The following RIIAD1 variants were observed in gnomAD, a reference collection of about 807,000 sequenced individuals.
The protein encoded by RIIAD1 is regulatory subunit of type II PKA R-subunit domain containing 1.
RIIAD1 carries 15 observed loss-of-function variants against 13.3 expected under a neutral mutation model. The ratio of observed to expected loss-of-function variants is 1.13; its 90% CI spans 0.76 to 1.74. RIIAD1 has a LOEUF of 1.74. Ranked by LOEUF, RIIAD1 falls within the 40% of genes most tolerant of loss-of-function variation. The pLI is 0.00. For synonymous variants in RIIAD1, 50 were observed against 43.3 expected (o/e 1.16, Z -0.61); for missense variants, 121 against 112.2 (o/e 1.08, Z -0.35).
chr1:151,716,390 A>C, intron 4 of RIIAD1: 1 of 270,820 alleles, frequency 3.7e-6, no homozygotes, highest in Non-Finnish European at 7.2e-6. Flanking sequence ...GGGAGTTGAG[A>C]TGAGAGCTGG....
upstream of RIIAD1, among the ~76,000 whole-genome samples, chr1:151,717,858 G>C (rs1213301250): frequency 6.6e-6 from 1 of 152,192 alleles, no homozygotes; most frequent in Non-Finnish European, 1.5e-5. Flanking sequence ...TGATTGGCAG[G>C]CTCCACGATC....
At chr1:151,715,717 G>C in intron 4 of RIIAD1, 17 of 1,565,360 alleles carry the variant, frequency 1.1e-5, no homozygotes, top group Non-Finnish European at 1.5e-5. Flanking sequence ...GATCACTCTA[G>C]CTGAGTTCTT....
At chr1:151,716,820 C>T (rs553879751), upstream of RIIAD1, 9 of 467,060 alleles carry the variant, frequency 1.9e-5, no homozygotes, top group South Asian at 7.8e-5. Context: ...CTCCACACCC[C>T]CCTCCCCACT....
chr1:151,725,566 T>C (rs1356806182), intron 2 of RIIAD1, among the ~76,000 whole-genome samples: 1 of 152,136 alleles, frequency 6.6e-6, no homozygotes, highest in African/African-American at 2.4e-5. Flanking sequence ...GATGAAGAAA[T>C]AGAACCTTAC....
intron 1 of RIIAD1, among the ~76,000 whole-genome samples, chr1:151,711,649 T>C (rs1299134745): frequency 6.6e-6 from 1 of 152,190 alleles, no homozygotes; most frequent in Non-Finnish European, 1.5e-5. Flanking sequence ...TCAGGGTGCA[T>C]GGGCTTTCAC....
At chr1:151,723,066 C>T (rs144953552) in intron 2 of RIIAD1, among the ~76,000 whole-genome samples, 97 of 152,322 alleles carry the variant, frequency 6.4e-4, no homozygotes, top group Non-Finnish European at 1.1e-3. Flanking sequence ...GGACTGTGTG[C>T]TTATAGCCAG....
At chr1:151,723,612 A>G (rs962979990) in intron 2 of RIIAD1, among the ~76,000 whole-genome samples, 1 of 152,188 alleles carries the variant, frequency 6.6e-6, no homozygotes, top group African/African-American at 2.4e-5. Flanking sequence ...AGGCAGGAGA[A>G]TCGCTTAAAC....
chr1:151,713,248 C>G (rs1673178399), intron 2 of RIIAD1, among the ~76,000 whole-genome samples: 1 of 152,208 alleles, frequency 6.6e-6, no homozygotes, highest in Non-Finnish European at 1.5e-5. Context: ...CCACCCTGGG[C>G]TGGACTTCCT....
upstream of RIIAD1, among the ~76,000 whole-genome samples, chr1:151,717,642 C>G (rs1224975265): frequency 6.6e-6 from 1 of 152,218 alleles, no homozygotes; most frequent in Non-Finnish European, 1.5e-5. Context: ...CAACCTCTGA[C>G]AACAGTGGAT....
At chr1:151,711,579 C>T (rs1673022669) in intron 1 of RIIAD1, among the ~76,000 whole-genome samples, 1 of 152,234 alleles carries the variant, frequency 6.6e-6, no homozygotes, top group Admixed American at 6.5e-5. Context: ...GGCTCAATCT[C>T]CTTAGGCATG....
upstream of RIIAD1, chr1:151,716,727 C>A (rs558315598): frequency 3.0e-5 from 14 of 460,008 alleles, no homozygotes; most frequent in Admixed American, 7.2e-5. Context: ...CTGCTCCCGC[C>A]GCTGGGGCTG....
Position 151,721,810 on chromosome 1 carries a change from A to G in RIIAD1, c.84+190A>G. On this transcript the variant is annotated intron_variant, in intron 1 of 4. Coordinates refer to ENST00000479191, the MANE Select transcript of RIIAD1 (RefSeq NM_001144956.3). ...GATCCCAGCACAGAGCGCGACGGGC[A>G]TCTGAGAGTGCAGGAAGAACTAACT... 7.1e-6 allele frequency: 4 copies of G among 567,012 alleles called. No individual in the cohort carries two copies. In the South Asian group the frequency reaches 7.5e-5, roughly 11 times the overall value. The allele number at this position is 567,012 out of a possible 1,614,324, so 35.1% of individuals were successfully genotyped here. A position where few individuals can be genotyped will look rare whatever the true frequency, so the allele number is the denominator to read the frequency against.
rs145102095 is a variant in RIIAD1, at chr1:151,715,575, G to A, written c.21+1046G>A. Reference sequence around the variant, plus strand: ...GCTTATCTCCCAAACCAGCTCTCTTGTCCCTCCATTCTTTCTTGAGTTCAT... The same window carrying A: ...GCTTATCTCCCAAACCAGCTCTCTTATCCCTCCATTCTTTCTTGAGTTCAT... On this transcript the variant is annotated intron_variant, in intron 4 of 8. Coordinates refer to the RIIAD1 transcript ENST00000326413. The A allele has an allele frequency of 4.2e-4, 570 of 1,371,090 alleles. 2 individuals carry two copies. In the African/African-American group the frequency reaches 7.0e-3, roughly 17 times the overall value. 84.9% of individuals were successfully genotyped at this position (1,371,090 alleles called of 1,614,324 possible). A position where few individuals can be genotyped will look rare whatever the true frequency, so the allele number is the denominator to read the frequency against.
chr1:151,715,668 C>G (rs1208122704), intron 4 of RIIAD1: 2 of 1,518,782 alleles, frequency 1.3e-6, no homozygotes, highest in Middle Eastern at 1.7e-4. Flanking sequence ...AACTCTTCAG[C>G]CAAAAGAGGC....
At chr1:151,711,852 C>G (rs942883505) in exon 2 of RIIAD1, 1 of 152,250 alleles carries the variant, frequency 6.6e-6, no homozygotes, top group Non-Finnish European at 1.5e-5. Context: ...AGATGGGAAC[C>G]TGGGACCCAG....
At chr1:151,724,801 G>GT (rs1367425234) in intron 2 of RIIAD1, among the ~76,000 whole-genome samples, 4 of 122,144 alleles carry the variant, frequency 3.3e-5, no homozygotes, top group South Asian at 2.7e-4. Context: ...ATTGTAGAAA[G>GT]TATTTTTTTT....
intron 2 of RIIAD1, among the ~76,000 whole-genome samples, chr1:151,723,943 T>TTCC (rs1478642642): frequency 6.6e-6 from 1 of 152,252 alleles, no homozygotes; most frequent in Non-Finnish European, 1.5e-5. Context: ...GATGATATCG[T>TTCC]TCCTATCCTG....
In RIIAD1 at chr1:151,722,182, C is replaced by G. The variant is rs1194825831; in HGVS notation, c.161+20C>G. On this transcript the variant is annotated intron_variant, in intron 2 of 4. Coordinates refer to ENST00000479191, the MANE Select transcript of RIIAD1 (RefSeq NM_001144956.3). ...CTTCAGGTAGGTGGTTTTCCAGGCT[C>G]TGGGATTTGTGGCACGCAGGGTTTT... is the stretch of plus-strand genomic sequence containing the variant. The G allele has an allele frequency of 4.7e-6, 7 of 1,500,618 alleles. No homozygotes were observed. The African/African-American group carries it at 9.7e-5, about 21-fold the overall frequency. The allele number at this position is 1,500,618 out of a possible 1,614,324, so 93.0% of individuals were successfully genotyped here.
At chr1:151,712,221 C>T (rs973421559) in intron 2 of RIIAD1, among the ~76,000 whole-genome samples, 4 of 152,208 alleles carry the variant, frequency 2.6e-5, no homozygotes, top group Non-Finnish European at 4.4e-5. Flanking sequence ...GACAAGCCCT[C>T]CCTCGGGCCT....
Sources: gnomAD v4.1 joint callset for allele counts (sites outside exome capture counted in the v4.1 genomes callset) on GRCh38, gnomAD v4.1.1 for gene constraint, MANE v1.5 for transcripts, NCBI Gene and HGNC (gene_info 2026-07-23, HGNC 2026-07-21) for gene names.